LRRC4C: variants seen among roughly 807,000 people sequenced by gnomAD.
The protein encoded by LRRC4C is leucine rich repeat containing 4C, also known as leucine-rich repeat-containing protein 4C.
Under a neutral mutation model 33.6 loss-of-function variants are expected in LRRC4C, and 5 were observed. The ratio of observed to expected loss-of-function variants is 0.15; its 90% confidence interval spans 0.08 to 0.31. The LOEUF (loss-of-function observed/expected upper bound fraction) is 0.31, where lower values mean the gene tolerates loss of function less well. LRRC4C is among the 10% of genes least tolerant of loss of function. The pLI is 1.00. For missense variants in LRRC4C, 560 were observed against 796.7 expected (o/e 0.70, Z 3.58); for synonymous variants, 329 against 302.0 (o/e 1.09, Z -0.93).
chr11:40,134,319 A>C (rs1856833894), intron 6 of LRRC4C, among the ~76,000 whole-genome samples: 1 of 152,220 alleles, frequency 6.6e-6, no homozygotes, highest in African/African-American at 2.4e-5. Context: ...AACATGACAT[A>C]GGCAGTGGAG....
At chr11:40,722,620 A>G (rs1177082484) in intron 2 of LRRC4C, among the ~76,000 whole-genome samples, 1 of 152,212 alleles carries the variant, frequency 6.6e-6, no homozygotes, top group Non-Finnish European at 1.5e-5. Flanking sequence ...ACTGACAACA[A>G]ATTTAAAAAG....
At chr11:40,869,062 G>C (rs1448429508) in intron 2 of LRRC4C, among the ~76,000 whole-genome samples, 2 of 96,392 alleles carry the variant, frequency 2.1e-5, no homozygotes, top group African/African-American at 7.3e-5. Context: ...AGACAAACCT[G>C]TGGGGGATAG....
rs77915947 is a variant in LRRC4C, at chr11:40,961,344, T to G, written c.-495-27621A>C. Reference sequence around the variant, plus strand: ...TTGCCTGAAACATTGAGGCTCCATTTTGTTACCAGGAAGCAAGAAGGGCTA... The same window carrying G: ...TTGCCTGAAACATTGAGGCTCCATTGTGTTACCAGGAAGCAAGAAGGGCTA... On this transcript the variant is annotated intron_variant, in intron 1 of 6. Coordinates refer to ENST00000528697, the MANE Select transcript of LRRC4C (RefSeq NM_001258419.2). 9.3e-3 allele frequency among the ~76,000 whole-genome samples: 1,417 copies of G among 151,718 alleles called. 19 individuals are homozygous for G. The highest frequency in any genetic ancestry group is 0.033 in the African/African-American group (1,362 of 41,466).
At chr11:41,074,992 T>A (rs1938997584) in intron 1 of LRRC4C, among the ~76,000 whole-genome samples, 1 of 150,540 alleles carries the variant, frequency 6.6e-6, no homozygotes, top group African/African-American at 2.4e-5. Context: ...TCTCACCCCA[T>A]CCTCCCACAA....
chr11:40,395,522 C>T (rs764314370), intron 3 of LRRC4C, among the ~76,000 whole-genome samples: 6 of 152,090 alleles, frequency 3.9e-5, no homozygotes, highest in Non-Finnish European at 7.4e-5. Flanking sequence ...GTAGAAAGAG[C>T]AATGGATTAG....
chr11:41,304,775 G>C (rs1407462402), intron 1 of LRRC4C, among the ~76,000 whole-genome samples: 1 of 81,272 alleles, frequency 1.2e-5, no homozygotes, highest in Non-Finnish European at 2.4e-5. Context: ...AGGTGGGGGG[G>C]TCAGCCCCCC....
At chr11:40,944,731 GCT>G (rs1231876958) in intron 1 of LRRC4C, among the ~76,000 whole-genome samples, 5 of 152,104 alleles carry the variant, frequency 3.3e-5, no homozygotes, top group Non-Finnish European at 7.4e-5. Flanking sequence ...CTGAAATAAT[GCT>G]CCAGGAAAGG....
At chr11:40,661,107 C>T (rs1469179000) in intron 2 of LRRC4C, among the ~76,000 whole-genome samples, 1 of 152,002 alleles carries the variant, frequency 6.6e-6, no homozygotes, top group East Asian at 1.9e-4. Flanking sequence ...TGACAATATC[C>T]TATCTGGCAT....
chr11:40,328,632 C>T (rs1946207279), intron 3 of LRRC4C, among the ~76,000 whole-genome samples: 1 of 152,148 alleles, frequency 6.6e-6, no homozygotes, highest in South Asian at 2.1e-4. Flanking sequence ...TGTACATTTC[C>T]TGAGGATTTA....
At chr11:41,288,547 A>G (rs1175040669) in intron 1 of LRRC4C, among the ~76,000 whole-genome samples, 1 of 152,208 alleles carries the variant, frequency 6.6e-6, no homozygotes, top group African/African-American at 2.4e-5. Flanking sequence ...CTACCCCAGA[A>G]TATATCACAC....
At chr11:40,478,819 G>T (rs1953388340) in intron 3 of LRRC4C, among the ~76,000 whole-genome samples, 1 of 152,100 alleles carries the variant, frequency 6.6e-6, no homozygotes, top group Non-Finnish European at 1.5e-5. Flanking sequence ...ATAAAGATGT[G>T]CATCAAGAGT....
intron 1 of LRRC4C, among the ~76,000 whole-genome samples, chr11:41,074,164 T>A (rs725123): frequency 0.49 from 74,341 of 151,966 alleles, 19,285 homozygotes; most frequent in South Asian, 0.68. Context: ...TTACTTAAAT[T>A]TTAAAGAGAA....
intron 1 of LRRC4C, among the ~76,000 whole-genome samples, chr11:41,322,112 G>A (rs915030141): frequency 3.3e-5 from 5 of 151,940 alleles, no homozygotes; most frequent in Non-Finnish European, 4.4e-5. Flanking sequence ...TGATCTGCCC[G>A]CCTCAGCCTC....
chr11:40,150,467 T>G (rs1858102205), intron 5 of LRRC4C, among the ~76,000 whole-genome samples: 2 of 152,236 alleles, frequency 1.3e-5, no homozygotes, highest in Non-Finnish European at 2.9e-5. Context: ...ACTTGTTTCT[T>G]TAAAAGAGAC....
intron 1 of LRRC4C, among the ~76,000 whole-genome samples, chr11:41,302,444 C>A (rs1450034369): frequency 6.6e-6 from 1 of 152,080 alleles, no homozygotes; most frequent in Non-Finnish European, 1.5e-5. Flanking sequence ...TACAATTTAT[C>A]CAGCATTTTC....
intron 2 of LRRC4C, among the ~76,000 whole-genome samples, chr11:40,803,281 C>T (rs917178101): frequency 3.3e-5 from 5 of 152,146 alleles, no homozygotes; most frequent in African/African-American, 4.8e-5. Flanking sequence ...AGTAATGTGT[C>T]CCCAAGTCAT....
chr11:40,958,369 T>C (rs1159534899), intron 1 of LRRC4C, among the ~76,000 whole-genome samples: 1 of 151,780 alleles, frequency 6.6e-6, no homozygotes, highest in Non-Finnish European at 1.5e-5. Context: ...GTAAATTATA[T>C]GTGTTTAGAA....
At chr11:41,370,541 C>G (rs1479139773) in intron 1 of LRRC4C, among the ~76,000 whole-genome samples, 1 of 152,088 alleles carries the variant, frequency 6.6e-6, no homozygotes, top group Non-Finnish European at 1.5e-5. Context: ...TTTGTTTCTT[C>G]CTCATTTTCT....
At chr11:40,399,419 A>T (rs1199650644) in intron 3 of LRRC4C, among the ~76,000 whole-genome samples, 2 of 152,112 alleles carry the variant, frequency 1.3e-5, no homozygotes, top group Non-Finnish European at 2.9e-5. Context: ...CATTCTCAGT[A>T]AACTATCACA....
Sources: gnomAD v4.1 joint callset for allele counts (sites outside exome capture counted in the v4.1 genomes callset) on GRCh38, gnomAD v4.1.1 for gene constraint, MANE v1.5 for transcripts, NCBI Gene and HGNC (gene_info 2026-07-23, HGNC 2026-07-21) for gene names.